Variants in MEMO1 observed in about 807,000 individuals in gnomAD.
MEMO1 encodes mediator of cell motility 1.
Under a neutral mutation model 45.2 loss-of-function variants are expected in MEMO1, and 6 were observed. The observed-to-expected ratio is 0.13, with a 90% CI of 0.07 to 0.26. The LOEUF is 0.26. Ranked by LOEUF, MEMO1 falls within the 10% of genes least tolerant of loss-of-function variation. MEMO1 has a pLI of 1.00. For missense variants in MEMO1, 184 were observed against 370.5 expected (o/e 0.50, Z 4.13); for synonymous variants, 78 against 124.3 (o/e 0.63, Z 2.48).
chr2:31,888,505 C>T (rs1307768314), intron 7 of MEMO1, among the ~76,000 whole-genome samples: 3 of 151,980 alleles, frequency 2.0e-5, no homozygotes, highest in Non-Finnish European at 2.9e-5. Flanking sequence ...GAAAATTCTA[C>T]TAACTGAAAA....
chr2:31,976,825 T>C (rs985851404), intron 2 of MEMO1, among the ~76,000 whole-genome samples: 3 of 152,194 alleles, frequency 2.0e-5, no homozygotes, highest in African/African-American at 7.2e-5. Context: ...ACGAGATTTA[T>C]GAGACAGGAT....
intron 4 of MEMO1, among the ~76,000 whole-genome samples, chr2:31,927,135 C>T (rs957264475): frequency 1.3e-5 from 2 of 151,968 alleles, no homozygotes; most frequent in African/African-American, 4.8e-5. Flanking sequence ...TTGAGACCAT[C>T]CTGGCCAACA....
At chr2:31,963,142 T>C (rs1668221182) in intron 2 of MEMO1, 1 of 1,515,848 alleles carries the variant, frequency 6.6e-7, no homozygotes. Flanking sequence ...TCCCATTTCT[T>C]AGGGCTTCAG....
intron 2 of MEMO1, among the ~76,000 whole-genome samples, chr2:31,951,343 C>G (rs1384249567): frequency 6.6e-6 from 1 of 152,108 alleles, no homozygotes; most frequent in East Asian, 1.9e-4. Flanking sequence ...TATTAAAATT[C>G]ATGAAATATA....
rs185445985 is a variant in MEMO1, at chr2:31,970,229, C to G, written c.62-26846G>C. On this transcript the variant is annotated intron_variant, in intron 2 of 9. Transcript: ENST00000404530. The stretch of plus-strand genomic sequence containing the variant: ...CAAGCAATCCGCCACCTCGGCCTCC[C>G]AAAGTGCTGAGATTACAGGAATGAG... 9.7e-3 allele frequency among the ~76,000 whole-genome samples: 1,471 copies of G among 152,248 alleles called. 25 individuals are homozygous for G. The highest frequency in any genetic ancestry group is 0.047 in the South Asian group (229 of 4,826).
At chr2:31,898,994 T>C (rs1006580123) in intron 6 of MEMO1, among the ~76,000 whole-genome samples, 1 of 152,128 alleles carries the variant, frequency 6.6e-6, no homozygotes, top group Non-Finnish European at 1.5e-5. Context: ...CTCATATTTG[T>C]TGGTTTAAAG....
chr2:31,994,299 C>A lies in MEMO1; in HGVS notation c.61+15888G>T, dbSNP rs141577009. Among the ~76,000 whole-genome samples the A allele has an allele frequency of 8.0e-3, 1,212 of 151,722 alleles. 15 individuals carry two copies. Among genetic ancestry groups the A allele is most frequent in the Non-Finnish European group, 0.013 (883 of 67,942 alleles). ...TTAAATGAATACCACAAATATCATACTCGAGATAAAAGTCACAATGTCTGG... is the reference window on the plus strand; with the variant it reads ...TTAAATGAATACCACAAATATCATAATCGAGATAAAAGTCACAATGTCTGG... On this transcript the variant is annotated intron_variant, in intron 2 of 9. Transcript: ENST00000404530.
At chr2:31,964,112 T>C (rs1256854422) in intron 2 of MEMO1, among the ~76,000 whole-genome samples, 1 of 152,134 alleles carries the variant, frequency 6.6e-6, no homozygotes, top group Non-Finnish European at 1.5e-5. Context: ...TAGACAGGAA[T>C]ACTCTAAATC....
intron 7 of MEMO1, among the ~76,000 whole-genome samples, chr2:31,885,296 C>CTTTAGTAAAGATGGGGT (rs1456396979): frequency 6.6e-6 from 1 of 151,824 alleles, no homozygotes. Flanking sequence ...CTTTTTGTAT[C>CTTTAGTAAAGATGGGGT]TTTAGTAAAG....
chr2:31,969,533 T>G (rs902622041), intron 2 of MEMO1, among the ~76,000 whole-genome samples: 1 of 151,724 alleles, frequency 6.6e-6, no homozygotes, highest in African/African-American at 2.4e-5. Flanking sequence ...GTGACTTATT[T>G]CAGCTTTATA....
chr2:31,878,209 C>CA (rs2147913855), intron 8 of MEMO1, among the ~76,000 whole-genome samples: 1 of 152,122 alleles, frequency 6.6e-6, no homozygotes, highest in African/African-American at 2.4e-5. Flanking sequence ...TTAGTGTGTC[C>CA]ACGGTAGAGT....
intron 8 of MEMO1, among the ~76,000 whole-genome samples, chr2:31,872,807 T>A (rs923112164): frequency 7.2e-5 from 11 of 152,136 alleles, no homozygotes; most frequent in Non-Finnish European, 1.5e-4. Flanking sequence ...GTTTAAGAGG[T>A]ATGCCTCTTT....
chr2:31,891,391 T>G (rs1676955122), intron 7 of MEMO1, among the ~76,000 whole-genome samples: 1 of 152,194 alleles, frequency 6.6e-6, no homozygotes, highest in Admixed American at 6.5e-5. Flanking sequence ...GTACTCACTG[T>G]GACGTGTCCT....
intron 4 of MEMO1, among the ~76,000 whole-genome samples, chr2:31,930,604 A>G (rs893403982): frequency 6.6e-6 from 1 of 152,060 alleles, no homozygotes; most frequent in Non-Finnish European, 1.5e-5. Flanking sequence ...CTTTTATTAT[A>G]GCTGGTTTAT....
chr2:32,010,167 C>A lies in MEMO1; in HGVS notation c.61+20G>T. 2 of 1,308,396 alleles carry A rather than the reference C, an allele frequency of 1.5e-6. No homozygotes were observed. The highest frequency in any genetic ancestry group is 3.8e-5 in the East Asian group (1 of 26,642). The allele number at this position is 1,308,396 out of a possible 1,614,324, so 81.0% of individuals were successfully genotyped here. ...CCAGGCGGCGACGGCGGCGGGCGGG[C>A]CGGCGGCCTGGGGCCCTACCTGAGG... On this transcript the variant is annotated intron_variant, in intron 2 of 9. Transcript: ENST00000404530.
At chr2:31,990,494 C>A (rs1337196151) in intron 2 of MEMO1, among the ~76,000 whole-genome samples, 1 of 151,416 alleles carries the variant, frequency 6.6e-6, no homozygotes, top group East Asian at 1.9e-4. Flanking sequence ...CTCTGTCACC[C>A]AGGCTCGAGT....
At chr2:31,884,895 C>T (rs1675953347) in intron 7 of MEMO1, among the ~76,000 whole-genome samples, 2 of 151,936 alleles carry the variant, frequency 1.3e-5, no homozygotes, top group South Asian at 4.2e-4. Context: ...AAGATTACTG[C>T]ATGTTACCTT....
intron 3 of MEMO1, among the ~76,000 whole-genome samples, chr2:31,934,034 G>C (rs1320734653): frequency 6.6e-6 from 1 of 152,158 alleles, no homozygotes; most frequent in African/African-American, 2.4e-5. Context: ...TCTCTTACCA[G>C]TTTATAAGTA....
At chr2:31,935,086 CAT>C (rs914164707) in intron 3 of MEMO1, among the ~76,000 whole-genome samples, 3 of 152,252 alleles carry the variant, frequency 2.0e-5, no homozygotes, top group Admixed American at 2.0e-4. Flanking sequence ...CCACTCCAAC[CAT>C]ATGAGGTAGG....
Sources: gnomAD v4.1 joint callset for allele counts (sites outside exome capture counted in the v4.1 genomes callset) on GRCh38, gnomAD v4.1.1 for gene constraint, MANE v1.5 for transcripts, NCBI Gene and HGNC (gene_info 2026-07-23, HGNC 2026-07-21) for gene names.